The following VAV2 variants were observed in gnomAD, a reference collection of about 807,000 sequenced individuals.
VAV2 encodes vav guanine nucleotide exchange factor 2.
VAV2 carries 67 observed loss-of-function variants against 132.5 expected under a neutral mutation model. That is an observed-to-expected ratio of 0.51 (90% confidence interval 0.42 to 0.62). The LOEUF is 0.62. VAV2 is among the 20% of genes least tolerant of loss of function. VAV2 has a pLI of 0.00. For synonymous variants in VAV2, 492 were observed against 443.5 expected (o/e 1.11, Z -1.37); for missense variants, 938 against 1,153.6 (o/e 0.81, Z 2.71).
intron 6 of VAV2, among the ~76,000 whole-genome samples, chr9:133,809,689 G>T (rs749881190): frequency 2.6e-4 from 40 of 152,328 alleles, no homozygotes; most frequent in Non-Finnish European, 4.1e-4. Flanking sequence ...CGCCAGCAGG[G>T]TCCCTGGAGC....
In VAV2 at chr9:133,804,066, C is replaced by CG. The variant is rs1386479332; in HGVS notation, c.836+2014dup. Among the ~76,000 whole-genome samples, 1 of 152,164 alleles carries CG rather than the reference C, an allele frequency of 6.6e-6. No individual in the cohort carries two copies. The highest frequency in any genetic ancestry group is 1.5e-5 in the Non-Finnish European group (1 of 68,022). On this transcript the variant is annotated intron_variant, in intron 9 of 29. Coordinates refer to ENST00000371850, the MANE Select transcript of VAV2 (RefSeq NM_001134398.2). This position sits in a 1 kb window ranked among gnomAD's most constrained non-coding sequence, Gnocchi z 4.5. The stretch of plus-strand genomic sequence containing the variant: ...CTTGGTTCTCATCCATCCCACCCAG[C>CG]GAGAGGCCAGTAGCTCTGTTCACTG...
At position 133,956,655 on chromosome 9, in the gene VAV2, A is replaced by C. The variant is rs115822234; in HGVS notation, c.205-17436T>G. ...AGAAGCTGTACTTTCTGGAAATTCC[A>C]GGCGAACCAGCACCAGGCCCCTCGG... On this transcript the variant is annotated intron_variant, in intron 1 of 29. Coordinates refer to ENST00000371850, the MANE Select transcript of VAV2 (RefSeq NM_001134398.2). Among the ~76,000 whole-genome samples the C allele has an allele frequency of 1.3e-5, 2 of 152,208 alleles. 1 individual carries two copies. The highest frequency in any genetic ancestry group is 4.1e-4 in the South Asian group (2 of 4,828).
intron 3 of VAV2, among the ~76,000 whole-genome samples, chr9:133,838,518 G>T (rs1369093272): frequency 1.2e-5 from 1 of 83,524 alleles, no homozygotes; most frequent in Non-Finnish European, 2.4e-5. Context: ...TGGGTGGGTG[G>T]GTGGGTAGAT....
rs1350111120 is a variant in VAV2, at chr9:133,802,044, C to T, written c.836+4037G>A. ...CAGACGCCTTCACCCTCCGTCCACA[C>T]CACAGGACTCTGAGCACCTGCCACA... On this transcript the variant is annotated intron_variant, in intron 9 of 29. Coordinates refer to ENST00000371850, the MANE Select transcript of VAV2 (RefSeq NM_001134398.2). The surrounding 1 kb of genome is among the most constrained non-coding windows in gnomAD (Gnocchi z 5.8). Among the ~76,000 whole-genome samples, 1 of 152,104 alleles carries T rather than the reference C, an allele frequency of 6.6e-6. No homozygotes were observed. Among genetic ancestry groups the T allele is most frequent in the Non-Finnish European group, 1.5e-5 (1 of 68,016 alleles).
intron 2 of VAV2, among the ~76,000 whole-genome samples, chr9:133,893,406 C>T (rs559592722): frequency 1.3e-5 from 2 of 152,210 alleles, no homozygotes; most frequent in African/African-American, 2.4e-5. Context: ...AGTCGGGCAG[C>T]GCCACGGTGG....
At chr9:133,856,234 T>C (rs552441738) in intron 3 of VAV2, among the ~76,000 whole-genome samples, 2 of 152,376 alleles carry the variant, frequency 1.3e-5, no homozygotes, top group South Asian at 4.1e-4. Flanking sequence ...ATGGTGAAAG[T>C]ACTAAATGCC....
rs1252716510 is a variant in VAV2, at chr9:133,919,733, A to G, written c.321+19370T>C. ...AGAGTGGGGCCAGATGGACGTGGCCAGTCTCAGGGGAGCAACACAAACAGC... is the reference window on the plus strand; with the variant it reads ...AGAGTGGGGCCAGATGGACGTGGCCGGTCTCAGGGGAGCAACACAAACAGC... On this transcript the variant is annotated intron_variant, in intron 2 of 29. Coordinates refer to ENST00000371850, the MANE Select transcript of VAV2 (RefSeq NM_001134398.2). The surrounding 1 kb of genome is among the most constrained non-coding windows in gnomAD (Gnocchi z 5.8). Among the ~76,000 whole-genome samples, 1 of 152,236 alleles carries G rather than the reference A, an allele frequency of 6.6e-6. No homozygotes were observed. Among genetic ancestry groups the G allele is most frequent in the Non-Finnish European group, 1.5e-5 (1 of 68,040 alleles).
At chr9:133,979,503 G>A (rs1201018834) in intron 1 of VAV2, among the ~76,000 whole-genome samples, 1 of 152,188 alleles carries the variant, frequency 6.6e-6, no homozygotes, top group Non-Finnish European at 1.5e-5. Flanking sequence ...AGGAGCGGAC[G>A]CCGCAGCCGT....
At chr9:133,821,639 A>G (rs1193998352) in intron 4 of VAV2, among the ~76,000 whole-genome samples, 1 of 152,230 alleles carries the variant, frequency 6.6e-6, no homozygotes, top group East Asian at 1.9e-4. Flanking sequence ...CAGCATTAAA[A>G]ATGACAGATT....
intron 2 of VAV2, among the ~76,000 whole-genome samples, chr9:133,914,588 G>A (rs1177685707): frequency 2.4e-5 from 3 of 123,036 alleles, no homozygotes; most frequent in African/African-American, 3.4e-5. Context: ...TGGGATTTCT[G>A]CTGTGTGTAT....
intron 2 of VAV2, among the ~76,000 whole-genome samples, chr9:133,924,793 A>G (rs182488018): frequency 1.3e-5 from 2 of 152,346 alleles, no homozygotes; most frequent in African/African-American, 4.8e-5. Context: ...GAATATTCAC[A>G]GGAGCCGAAG....
At chr9:133,988,506 C>T (rs1210255051) in intron 1 of VAV2, among the ~76,000 whole-genome samples, 1 of 152,168 alleles carries the variant, frequency 6.6e-6, no homozygotes, top group Non-Finnish European at 1.5e-5. Flanking sequence ...AGGCAGCAAC[C>T]CCCACCTAGG....
chr9:133,807,675 G>A (rs1039581169), intron 7 of VAV2, among the ~76,000 whole-genome samples: 3 of 152,316 alleles, frequency 2.0e-5, no homozygotes, highest in African/African-American at 7.2e-5. Flanking sequence ...GCCATCACCC[G>A]TGGGGACTCT....
chr9:133,809,364 G>A (rs1835275656), intron 6 of VAV2, among the ~76,000 whole-genome samples: 2 of 152,184 alleles, frequency 1.3e-5, no homozygotes, highest in Admixed American at 6.5e-5. Context: ...GGGATGTGAC[G>A]TGGGGACAGT....
At chr9:133,867,155 C>A (rs1837838822) in intron 2 of VAV2, among the ~76,000 whole-genome samples, 1 of 152,112 alleles carries the variant, frequency 6.6e-6, no homozygotes, top group Non-Finnish European at 1.5e-5. Context: ...TCCCGGCGCT[C>A]CCTGCAGAGC....
At chr9:133,789,437 A>C in intron 13 of VAV2, 94 bp from the exon 14 acceptor site, 1 of 1,183,396 alleles carries the variant, frequency 8.5e-7, no homozygotes, top group East Asian at 2.4e-5. Flanking sequence ...ACCCAAGGGA[A>C]CTCCCCACAG....
At chr9:133,868,112 A>G (rs956613803) in intron 2 of VAV2, among the ~76,000 whole-genome samples, 27 of 152,354 alleles carry the variant, frequency 1.8e-4, no homozygotes, top group African/African-American at 6.3e-4. Context: ...AGTCCCCTTC[A>G]TCTTGAGGAA....
At position 133,812,149 on chromosome 9, in the gene VAV2, C is replaced by T. The variant is rs762083852; in HGVS notation, c.517G>A (p.Glu173Lys). 9 of 1,614,010 alleles carry T rather than the reference C, an allele frequency of 5.6e-6. No homozygotes were observed. The highest frequency in any genetic ancestry group is 1.3e-5 in the African/African-American group (1 of 75,050). ...PCEDGGDDIY[E>K]DIIKVEVQQP... is the part of the protein sequence containing the mutation. ...TGCACCTCCACCTTGATGATGTCCT[C>T]GTAGATGTCGTCCCCTCCATCCTCA... is the stretch of plus-strand genomic sequence containing the variant. Residue 173 changes from glutamate (E) to lysine (K), a missense_variant, in exon 5 of 30, where the codon GAG becomes AAG. Glu to Lys is a moderately conservative substitution (Grantham distance 56). Coordinates refer to ENST00000371850, the MANE Select transcript of VAV2 (RefSeq NM_001134398.2).
At chr9:133,800,848 A>G (rs1342111837) in intron 9 of VAV2, among the ~76,000 whole-genome samples, 1 of 152,182 alleles carries the variant, frequency 6.6e-6, no homozygotes, top group Non-Finnish European at 1.5e-5. Context: ...AGCCTTCTCC[A>G]CCTGGCAAAC....
Sources: allele counts gnomAD v4.1 joint callset (sites outside exome capture counted in the v4.1 genomes callset), GRCh38; gene constraint gnomAD v4.1.1; non-coding constraint Gnocchi (gnomAD v3.1); transcripts MANE v1.5; gene names NCBI Gene and HGNC (gene_info 2026-07-23, HGNC 2026-07-21).